LIPC: variants seen among roughly 807,000 people sequenced by gnomAD.
The protein encoded by LIPC is hepatic triacylglycerol lipase.
LIPC carries 44 observed loss-of-function variants against 50.7 expected under a neutral mutation model. The ratio of observed to expected loss-of-function variants is 0.87; its 90% CI spans 0.68 to 1.11. LIPC has a LOEUF of 1.11. LIPC is among the 50% of genes most tolerant of loss of function. The pLI is 0.00. For synonymous variants in LIPC, 271 were observed against 256.4 expected (o/e 1.06, Z -0.54); for missense variants, 697 against 648.2 (o/e 1.08, Z -0.82).
At chr15:58,464,634 G>A (rs1201948451) in intron 1 of LIPC, among the ~76,000 whole-genome samples, 1 of 152,066 alleles carries the variant, frequency 6.6e-6, no homozygotes, top group Non-Finnish European at 1.5e-5. Context: ...TCCTTCCCGG[G>A]CTCCTTGTTT....
intron 1 of LIPC, among the ~76,000 whole-genome samples, chr15:58,442,428 C>T (rs1175542373): frequency 6.6e-6 from 1 of 152,184 alleles, no homozygotes; most frequent in Non-Finnish European, 1.5e-5. Flanking sequence ...GTCAATGACC[C>T]TTATGCCATT....
At chr15:58,510,971 T>C (rs1892311391) in intron 1 of LIPC, among the ~76,000 whole-genome samples, 1 of 152,224 alleles carries the variant, frequency 6.6e-6, no homozygotes, top group Non-Finnish European at 1.5e-5. Flanking sequence ...TGATGACGTC[T>C]CATTTCAGCA....
chr15:58,465,848 G>A (rs538773086), intron 1 of LIPC, among the ~76,000 whole-genome samples: 48 of 152,218 alleles, frequency 3.2e-4, no homozygotes, highest in African/African-American at 1.1e-3. Context: ...TGTCAAGGAA[G>A]GAATAGGTAC....
chr15:58,543,003 A>G (rs929068863), intron 4 of LIPC, among the ~76,000 whole-genome samples: 2 of 152,220 alleles, frequency 1.3e-5, no homozygotes, highest in Admixed American at 1.3e-4. Flanking sequence ...GTGAAGAATC[A>G]CAGCCTTAAT....
chr15:58,496,208 G>T, intron 1 of LIPC, among the ~76,000 whole-genome samples: 1 of 152,072 alleles, frequency 6.6e-6, no homozygotes, highest in East Asian at 1.9e-4. Context: ...TGGAGAAGAG[G>T]ATGTTACTGG....
At chr15:58,565,832 T>C (rs1394626820) in intron 8 of LIPC, 3 of 983,970 alleles carry the variant, frequency 3.0e-6, no homozygotes, top group African/African-American at 3.5e-5. Context: ...ATGCGGGTTA[T>C]GGGAGCTATA....
chr15:58,563,849 G>A (rs1229260602), intron 8 of LIPC, 126 bp downstream of exon 8: 1 of 830,058 alleles, frequency 1.2e-6, no homozygotes, highest in East Asian at 2.7e-5. Flanking sequence ...ATGGAGTACA[G>A]AAGCTCAGAA....
intron 1 of LIPC, among the ~76,000 whole-genome samples, chr15:58,471,134 CTT>C (rs34225435): frequency 1.9e-4 from 22 of 114,622 alleles, no homozygotes; most frequent in East Asian, 2.5e-4. Flanking sequence ...TTTCTTTTCT[CTT>C]TTTTTTTTTT....
intron 1 of LIPC, among the ~76,000 whole-genome samples, chr15:58,533,576 A>G (rs1383787971): frequency 6.6e-6 from 1 of 152,226 alleles, no homozygotes; most frequent in Non-Finnish European, 1.5e-5. Flanking sequence ...CATTTTCAAC[A>G]ATAGTGGAAT....
At chr15:58,545,016 C>T (rs1007558058) in intron 4 of LIPC, among the ~76,000 whole-genome samples, 134 of 152,248 alleles carry the variant, frequency 8.8e-4, no homozygotes, top group South Asian at 1.5e-3. Flanking sequence ...CTGTTCTGGA[C>T]GTTCTAATGA....
Position 58,453,657 on chromosome 15 carries a change from T to C in LIPC, c.88+21537T>C, listed in dbSNP as rs574093601. Reference sequence around the variant, plus strand: ...GGCTTATGCCTGTAATCCCAGCACTTTGGGAGGCCGAGGCAGGTGGATTGC... The same window carrying C: ...GGCTTATGCCTGTAATCCCAGCACTCTGGGAGGCCGAGGCAGGTGGATTGC... On this transcript the variant is annotated intron_variant, in intron 1 of 8. Transcript: ENST00000299022. 3.3e-3 allele frequency among the ~76,000 whole-genome samples: 509 copies of C among 151,976 alleles called. 2 individuals carry two copies. Among genetic ancestry groups the C allele is most frequent in the Non-Finnish European group, 4.2e-3 (286 of 67,964 alleles).
At chr15:58,550,248 T>C (rs1033361353) in intron 6 of LIPC, among the ~76,000 whole-genome samples, 1 of 152,186 alleles carries the variant, frequency 6.6e-6, no homozygotes, top group African/African-American at 2.4e-5. Flanking sequence ...AATTGCTTTC[T>C]CCTTGAAATC....
intron 6 of LIPC, among the ~76,000 whole-genome samples, chr15:58,553,164 G>C (rs1321836342): frequency 6.6e-6 from 1 of 152,200 alleles, no homozygotes; most frequent in East Asian, 1.9e-4. Context: ...CCTGGGCTCT[G>C]TCTATCCGTT....
chr15:58,444,563 C>T (rs1360203845), intron 1 of LIPC, among the ~76,000 whole-genome samples: 1 of 152,102 alleles, frequency 6.6e-6, no homozygotes, highest in African/African-American at 2.4e-5. Flanking sequence ...GGGTGGGTTT[C>T]TTCTGAGGCC....
intron 1 of LIPC, among the ~76,000 whole-genome samples, chr15:58,511,392 T>C (rs1007084801): frequency 4.2e-5 from 6 of 141,406 alleles, no homozygotes; most frequent in African/African-American, 1.9e-4. Context: ...AATCATTCCA[T>C]TGCATTTACC....
intron 1 of LIPC, among the ~76,000 whole-genome samples, chr15:58,473,425 T>A (rs534847541): frequency 2.0e-5 from 3 of 152,230 alleles, no homozygotes; most frequent in East Asian, 3.9e-4. Flanking sequence ...GAGAAGCCCA[T>A]TACCCACCCA....
chr15:58,540,012 G>A (rs1265319118), intron 2 of LIPC, among the ~76,000 whole-genome samples: 13 of 152,148 alleles, frequency 8.5e-5, no homozygotes, highest in African/African-American at 3.1e-4. Context: ...CTTTCTAATT[G>A]TCTGTGTTTC....
At chr15:58,484,764 CACATA>C (rs1425953753) in intron 1 of LIPC, among the ~76,000 whole-genome samples, 1 of 152,164 alleles carries the variant, frequency 6.6e-6, no homozygotes, top group Non-Finnish European at 1.5e-5. Context: ...AATTCAGAGA[CACATA>C]ACTAAAACCA....
At chr15:58,489,803 G>A (rs1891521897) in intron 1 of LIPC, among the ~76,000 whole-genome samples, 1 of 152,158 alleles carries the variant, frequency 6.6e-6, no homozygotes, top group African/African-American at 2.4e-5. Context: ...TTGCAAAAGT[G>A]GTTGAGTTTG....
Sources: allele counts gnomAD v4.1 joint callset (sites outside exome capture counted in the v4.1 genomes callset), GRCh38; gene constraint gnomAD v4.1.1; transcripts MANE v1.5; gene names NCBI Gene and HGNC (gene_info 2026-07-23, HGNC 2026-07-21).